The following DGKG variants were observed in gnomAD, a reference collection of about 807,000 sequenced individuals.
The protein encoded by DGKG is diacylglycerol kinase gamma, also known as DAG kinase gamma.
In DGKG, 78 loss-of-function variants were observed where a neutral mutation model predicts 105.3. That is an observed-to-expected ratio of 0.74 (90% CI 0.62 to 0.89). The LOEUF is 0.89. Ranked by LOEUF, DGKG falls within the 40% of genes least tolerant of loss-of-function variation. The pLI, the probability that DGKG is intolerant of heterozygous loss-of-function variation, is 0.00. For missense variants in DGKG, 958 were observed against 1,020.1 expected, an observed-to-expected ratio of 0.94 and a Z score of 0.83; for synonymous variants, 346 against 367.1, an observed-to-expected ratio of 0.94 and a Z score of 0.66.
At chr3:186,307,055 A>T (rs547358746) in intron 2 of DGKG, 78 bp from the exon 3 acceptor site, 19 of 997,812 alleles carry the variant, frequency 1.9e-5, no homozygotes, top group Non-Finnish European at 3.0e-5. Context: ...TCCCTGTGTA[A>T]CCATGTTTAT....
At chr3:186,328,140 A>G (rs1224092605) in intron 1 of DGKG, among the ~76,000 whole-genome samples, 1 of 152,166 alleles carries the variant, frequency 6.6e-6, no homozygotes, top group Non-Finnish European at 1.5e-5. Context: ...CTTCCTTCCT[A>G]AAACAAATCT....
At chr3:186,214,603 T>G (rs1478147084) in intron 20 of DGKG, among the ~76,000 whole-genome samples, 1 of 152,222 alleles carries the variant, frequency 6.6e-6, no homozygotes, top group Non-Finnish European at 1.5e-5. Context: ...CCATATGTCC[T>G]TAATAGATTT....
chr3:186,158,395 G>A, intron 24 of DGKG: 5 of 983,200 alleles, frequency 5.1e-6, no homozygotes, highest in Non-Finnish European at 6.0e-6. Context: ...CTACCATGGT[G>A]GCTTTGATCT....
In DGKG at chr3:186,265,657, CTTTTTTTTT is replaced by C. The variant is rs68014632; in HGVS notation, c.1210-360_1210-352del. Among the ~76,000 whole-genome samples, 6 of 77,378 alleles carry C rather than the reference CTTTTTTTTT, an allele frequency of 7.8e-5. No homozygotes were observed. In the East Asian group the frequency reaches 1.4e-3, roughly 18 times the overall value. 50.8% of individuals were successfully genotyped at this position (77,378 alleles called of 152,430 possible). On this transcript the variant is annotated intron_variant, in intron 13 of 24. Transcript: ENST00000265022. ...TTGGCGACTTGGCTTTTCTTCCTTTCTTTTTTTTTTTTTTTTTTTTTTTTGAGACGGAGT... is the reference window on the plus strand; with the variant it reads ...TTGGCGACTTGGCTTTTCTTCCTTTCTTTTTTTTTTTTTTTGAGACGGAGT...
Position 186,318,892 on chromosome 3 carries a change from T to G in DGKG, c.67+1501A>C, listed in dbSNP as rs371556995. Reference sequence around the variant, plus strand: ...CAGTTTCCCTTGGTTTTTGATCCCCTTCTCGTTTCCACGCTTAGTTTATCC... The same window carrying G: ...CAGTTTCCCTTGGTTTTTGATCCCCGTCTCGTTTCCACGCTTAGTTTATCC... On this transcript the variant is annotated intron_variant, in intron 2 of 24. Coordinates refer to ENST00000265022, the MANE Select transcript of DGKG (RefSeq NM_001346.3). Among the ~76,000 whole-genome samples the G allele has an allele frequency of 7.2e-5, 11 of 152,316 alleles. No homozygotes were observed. The East Asian group carries it at 1.9e-3, about 27-fold the overall frequency.
chr3:186,211,944 T>C, intron 20 of DGKG, 59 bp from the exon 21 acceptor site: 1 of 1,394,908 alleles, frequency 7.2e-7, no homozygotes, highest in Non-Finnish European at 1.0e-6. Flanking sequence ...TCATGTAAAA[T>C]AGCTATGTTC....
chr3:186,359,422 C>G (rs1727125114), intron 1 of DGKG, among the ~76,000 whole-genome samples: 1 of 152,156 alleles, frequency 6.6e-6, no homozygotes, highest in South Asian at 2.1e-4. Context: ...TCATGAAGGT[C>G]TTTTGCTACA....
chr3:186,270,408 G>A (rs1299375662), intron 11 of DGKG, among the ~76,000 whole-genome samples: 1 of 152,220 alleles, frequency 6.6e-6, no homozygotes, highest in African/African-American at 2.4e-5. Context: ...GGGATTACAG[G>A]TGTGAGTGAC....
intron 19 of DGKG, 44 bp from the exon 20 acceptor site, chr3:186,242,612 G>A (rs754762756): frequency 4.4e-6 from 7 of 1,578,522 alleles, no homozygotes; most frequent in South Asian, 1.1e-5. Context: ...GAGTGGTCAT[G>A]ACAGTGCAGT....
At position 186,284,387 on chromosome 3, in the gene DGKG, T is replaced by G. The variant is rs1722964294; in HGVS notation, c.594+273A>C. Reference sequence around the variant, plus strand: ...GGCGCTTGTGAACTGAATGGGAAGTTAAACTAGGTGACATGCTAAAGCATC... The same window carrying G: ...GGCGCTTGTGAACTGAATGGGAAGTGAAACTAGGTGACATGCTAAAGCATC... On this transcript the variant is annotated intron_variant, in intron 7 of 24. Coordinates refer to ENST00000265022, the MANE Select transcript of DGKG (RefSeq NM_001346.3). This position sits in a 1 kb window ranked among gnomAD's most constrained non-coding sequence, Gnocchi z 4.0. Among the ~76,000 whole-genome samples, 1 of 152,152 alleles carries G rather than the reference T, an allele frequency of 6.6e-6. No individual in the cohort carries two copies. The highest frequency in any genetic ancestry group is 2.1e-4 in the South Asian group (1 of 4,830).
At chr3:186,322,062 C>T (rs552327767) in intron 1 of DGKG, among the ~76,000 whole-genome samples, 2 of 152,296 alleles carry the variant, frequency 1.3e-5, no homozygotes, top group East Asian at 3.9e-4. Context: ...CAGAAAACTT[C>T]CACCTAGAGA....
chr3:186,240,390 G>A (rs1239440971), intron 20 of DGKG, among the ~76,000 whole-genome samples: 1 of 152,198 alleles, frequency 6.6e-6, no homozygotes, highest in African/African-American at 2.4e-5. Flanking sequence ...TGTCCAAAAT[G>A]CCTGTAGAAC....
intron 5 of DGKG, among the ~76,000 whole-genome samples, chr3:186,296,672 C>G (rs1723579200): frequency 6.6e-6 from 1 of 152,226 alleles, no homozygotes; most frequent in Non-Finnish European, 1.5e-5. Context: ...ACCAGGACCA[C>G]TGTGTCCTCT....
At chr3:186,250,106 A>G (rs1721133792) in intron 19 of DGKG, among the ~76,000 whole-genome samples, 1 of 152,152 alleles carries the variant, frequency 6.6e-6, no homozygotes. Context: ...ACAAGGCACC[A>G]CCATGCGAGT....
At chr3:186,229,448 T>G (rs1720025978) in intron 20 of DGKG, among the ~76,000 whole-genome samples, 1 of 152,136 alleles carries the variant, frequency 6.6e-6, no homozygotes, top group Admixed American at 6.5e-5. Context: ...TTTCACCATG[T>G]TGGCCAGGCT....
At chr3:186,328,575 C>CTT (rs34252507) in intron 1 of DGKG, among the ~76,000 whole-genome samples, 84 of 141,120 alleles carry the variant, frequency 6.0e-4, no homozygotes, top group African/African-American at 1.1e-3. Context: ...CTACACCATT[C>CTT]TTTTTTTTTT....
intron 2 of DGKG, among the ~76,000 whole-genome samples, chr3:186,307,242 C>T (rs1724291993): frequency 6.6e-6 from 1 of 152,162 alleles, no homozygotes; most frequent in Non-Finnish European, 1.5e-5. Flanking sequence ...TTTCTGTTCC[C>T]CCAGGATAAA....
intron 1 of DGKG, among the ~76,000 whole-genome samples, chr3:186,328,129 C>T (rs1195015161): frequency 3.3e-5 from 5 of 152,192 alleles, no homozygotes; most frequent in East Asian, 1.9e-4. Flanking sequence ...GCCCTTTACT[C>T]CTTCCTTCCT....
intron 20 of DGKG, among the ~76,000 whole-genome samples, chr3:186,240,797 G>A (rs555935408): frequency 1.4e-4 from 13 of 89,954 alleles, no homozygotes; most frequent in African/African-American, 3.5e-4. Flanking sequence ...GCAACAGAGC[G>A]AAACTCCATG....
Sources: allele counts gnomAD v4.1 joint callset (sites outside exome capture counted in the v4.1 genomes callset), GRCh38; gene constraint gnomAD v4.1.1; non-coding constraint Gnocchi (gnomAD v3.1); transcripts MANE v1.5; gene names NCBI Gene and HGNC (gene_info 2026-07-23, HGNC 2026-07-21).